Variants in SERPINB6 observed in about 807,000 individuals in gnomAD.
SERPINB6 encodes the protein serpin family B member 6, also known as serpin B6.
In SERPINB6, 16 loss-of-function variants were observed where a neutral mutation model predicts 26.1. The ratio of observed to expected loss-of-function variants is 0.61; its 90% CI spans 0.42 to 0.93. The LOEUF is 0.93. SERPINB6 is among the 40% of genes least tolerant of loss of function. SERPINB6 has a pLI of 0.00. For synonymous variants in SERPINB6, 174 were observed against 176.6 expected (o/e 0.99, Z 0.11); for missense variants, 420 against 478.0 (o/e 0.88, Z 1.13).
At chr6:2,970,695 C>A (rs889737901) in intron 1 of SERPINB6, 112 of 1,208,610 alleles carry the variant, frequency 9.3e-5, no homozygotes, top group Non-Finnish European at 1.1e-4. Flanking sequence ...ATTTTCTGTA[C>A]CTCAGTTTTC....
intron 1 of SERPINB6, chr6:2,968,389 A>G: frequency 1.5e-6 from 1 of 683,652 alleles, no homozygotes; most frequent in Non-Finnish European, 1.8e-6. Flanking sequence ...AACCTGCACA[A>G]CAACCTGCGA....
intron 2 of SERPINB6, among the ~76,000 whole-genome samples, chr6:2,958,564 A>G (rs1561681915): frequency 1.1e-5 from 1 of 87,434 alleles, no homozygotes; most frequent in Non-Finnish European, 3.0e-5. Context: ...AAGCATGTGG[A>G]AGGCCCCAGC....
intron 1 of SERPINB6, chr6:2,968,499 T>C: frequency 9.0e-7 from 1 of 1,113,646 alleles, no homozygotes; most frequent in Non-Finnish European, 1.1e-6. Context: ...AAATGAATGT[T>C]CTCTTCTGAC....
Position 2,948,890 on chromosome 6 carries a change from C to T in SERPINB6, c.729+24G>A. 1 of 1,614,122 alleles carries T rather than the reference C, an allele frequency of 6.2e-7. No individual in the cohort carries two copies. Among genetic ancestry groups the T allele is most frequent in the Non-Finnish European group, 8.5e-7 (1 of 1,180,036 alleles). On this transcript the variant is annotated intron_variant, in intron 6 of 6. Transcript: ENST00000380539. The surrounding 1 kb of genome is among the most constrained non-coding windows in gnomAD (Gnocchi z 5.0). ...CCCCGAGTGGCTCCTTGCTAGCACG[C>T]CTCGCTCACAGCTTAGCTGTTACCG...
rs1772182227 is a variant in SERPINB6, at chr6:2,971,561, G to C, written c.-39C>G. 1 of 152,266 alleles carries C rather than the reference G, an allele frequency of 6.6e-6. No homozygotes were observed. Among genetic ancestry groups the C allele is most frequent in the African/African-American group, 2.4e-5 (1 of 41,462 alleles). The allele number at this position is 152,266 out of a possible 1,614,324, so 9.4% of individuals were successfully genotyped here. A position where few individuals can be genotyped will look rare whatever the true frequency, so the allele number is the denominator to read the frequency against. ...AGAGCGGGGAGCGAGCGAGCAGAAC[G>C]GCGGGCAGAGGCGCCGGAGCCGCCC... is the stretch of plus-strand genomic sequence containing the variant. On this transcript the variant is annotated 5_prime_UTR_variant, in exon 1 of 7. Transcript: ENST00000380539.
intron 1 of SERPINB6, chr6:2,966,805 C>T (rs1044578760): frequency 3.5e-6 from 1 of 281,742 alleles, no homozygotes; most frequent in African/African-American, 2.3e-5. Flanking sequence ...GATAGGTGCA[C>T]ACCACCACGC....
At chr6:2,963,678 T>TC (rs1771354986) in intron 1 of SERPINB6, 1 of 151,832 alleles carries the variant, frequency 6.6e-6, no homozygotes, top group African/African-American at 2.4e-5. Context: ...TTTCCATACA[T>TC]CCCCCACGCC....
intron 1 of SERPINB6, chr6:2,969,676 C>G: frequency 4.1e-6 from 4 of 984,966 alleles, no homozygotes; most frequent in Non-Finnish European, 3.6e-6. Flanking sequence ...TTAAGGATGC[C>G]TTTATTTCCT....
Position 2,948,367 on chromosome 6 carries a change from G to A in SERPINB6, c.1062C>T (p.Pro354=). The change falls in exon 7 of 7, where the codon CCC becomes CCT. Residue 354 remains proline, a synonymous_variant. Transcript: ENST00000380539. The surrounding 1 kb of genome is among the most constrained non-coding windows in gnomAD (Gnocchi z 5.0). ...RFVPRFCADH[P]FLFFIQHSKT... is the part of the protein sequence containing the mutation. Reference sequence around the variant, plus strand: ...TGCTGTGCTGGATGAAGAAAAGGAAGGGGTGGTCGGCGCAGAAGCGGGGGA... The same window carrying A: ...TGCTGTGCTGGATGAAGAAAAGGAAAGGGTGGTCGGCGCAGAAGCGGGGGA... 1.2e-6 allele frequency: 2 copies of A among 1,614,180 alleles called. No individual in the cohort carries two copies. Among genetic ancestry groups the A allele is most frequent in the Middle Eastern group, 1.7e-4 (1 of 6,060 alleles).
chr6:2,948,999 A>G lies in SERPINB6; in HGVS notation c.644T>C (p.Phe215Ser). 1 of 1,614,234 alleles carries G rather than the reference A, an allele frequency of 6.2e-7. No homozygotes were observed. Among genetic ancestry groups the G allele is most frequent in the Non-Finnish European group, 8.5e-7 (1 of 1,180,030 alleles). Residue 215 changes from phenylalanine (F) to serine (S), a missense_variant, in exon 6 of 7, where the codon TTT becomes TCT. Coordinates refer to ENST00000380539, the MANE Select transcript of SERPINB6 (RefSeq NM_004568.6). This position sits in a 1 kb window ranked among gnomAD's most constrained non-coding sequence, Gnocchi z 5.0. ...TFKKTYIGEI[F>S]TQILVLPYVG... is the part of the protein sequence containing the mutation. ...ATATGGAAGCACCAAGATTTGGGTAAATATTTCTCCTATATAGGTCTTCTT... is the reference window on the plus strand; with the variant it reads ...ATATGGAAGCACCAAGATTTGGGTAGATATTTCTCCTATATAGGTCTTCTT...
Position 2,948,834 on chromosome 6 carries a change from G to T in SERPINB6, c.729+80C>A. 2 of 1,593,214 alleles carry T rather than the reference G, an allele frequency of 1.3e-6. No individual in the cohort carries two copies. The highest frequency in any genetic ancestry group is 1.7e-6 in the Non-Finnish European group (2 of 1,162,882). On this transcript the variant is annotated intron_variant, in intron 6 of 6. Coordinates refer to ENST00000380539, the MANE Select transcript of SERPINB6 (RefSeq NM_004568.6). The surrounding 1 kb of genome is among the most constrained non-coding windows in gnomAD (Gnocchi z 5.0). ...GCGCTCCAGTGTTAAACGGCTGACC[G>T]CAAAGTAGGGACAGCAGCCACAGCA...
chr6:2,968,923 G>A (rs1417971378), intron 1 of SERPINB6: 1 of 1,225,294 alleles, frequency 8.2e-7, no homozygotes, highest in Non-Finnish European at 1.0e-6. Flanking sequence ...TCTGGAAGGA[G>A]ATGGGGTGGA....
intron 5 of SERPINB6, among the ~76,000 whole-genome samples, chr6:2,950,651 A>G (rs1769683224): frequency 6.6e-6 from 1 of 152,206 alleles, no homozygotes; most frequent in African/African-American, 2.4e-5. Flanking sequence ...CTCACCAGAA[A>G]AAACTGCACT....
intron 1 of SERPINB6, chr6:2,968,925 T>C: frequency 1.6e-6 from 2 of 1,224,690 alleles, no homozygotes; most frequent in Non-Finnish European, 2.0e-6. Context: ...TGGAAGGAGA[T>C]GGGGTGGAAG....
At chr6:2,968,542 A>AC in intron 1 of SERPINB6, 1 of 1,174,324 alleles carries the variant, frequency 8.5e-7, no homozygotes, top group East Asian at 3.7e-5. Context: ...TCATCATGAT[A>AC]TTTGATTCCA....
Position 2,948,211 on chromosome 6 carries a change from A to C in SERPINB6, c.*87T>G, listed in dbSNP as rs1167133411. ...TTTATTTCTGAACTGCCACCACTGC[A>C]CGGATAAGGCCACTTGGGTTGCAGG... On this transcript the variant is annotated 3_prime_UTR_variant, in exon 7 of 7. Coordinates refer to ENST00000380539, the MANE Select transcript of SERPINB6 (RefSeq NM_004568.6). This position sits in a 1 kb window ranked among gnomAD's most constrained non-coding sequence, Gnocchi z 5.0. 4 of 1,505,176 alleles carry C rather than the reference A, an allele frequency of 2.7e-6. No individual in the cohort carries two copies. The highest frequency in any genetic ancestry group is 3.7e-6 in the Non-Finnish European group (4 of 1,083,472). 93.2% of individuals were successfully genotyped at this position (1,505,176 alleles called of 1,614,324 possible). A position where few individuals can be genotyped will look rare whatever the true frequency, so the allele number is the denominator to read the frequency against.
intron 1 of SERPINB6, among the ~76,000 whole-genome samples, chr6:2,965,640 A>G (rs1009391547): frequency 2.0e-5 from 3 of 152,238 alleles, no homozygotes; most frequent in African/African-American, 7.2e-5. Flanking sequence ...ACTTTCAAAC[A>G]GTACAATGAT....
chr6:2,971,725 C>T (rs565188872), upstream of SERPINB6: 230 of 152,322 alleles, frequency 1.5e-3, 2 homozygotes, highest in Middle Eastern at 6.8e-3. Context: ...GCGAGTCCTG[C>T]CCGGAGGCCT....
Position 2,969,744 on chromosome 6 carries a change from CCTCT to C in SERPINB6, c.-11+1785_-11+1788del, listed in dbSNP as rs981219965. ...GGAAACTTGGACTTCCTGCTTTGTC[CCTCT>C]GTTTCCTTGTGCAGTGTGTATGTGT... On this transcript the variant is annotated intron_variant, in intron 1 of 6. Transcript: ENST00000380539. 2.7e-3 allele frequency: 2,634 copies of C among 981,390 alleles called. 6 individuals are homozygous for C. Among genetic ancestry groups the C allele is most frequent in the Non-Finnish European group, 3.0e-3 (2,486 of 829,150 alleles). 60.8% of individuals were successfully genotyped at this position (981,390 alleles called of 1,614,324 possible).
Sources: gnomAD v4.1 joint callset for allele counts (sites outside exome capture counted in the v4.1 genomes callset) on GRCh38, gnomAD v4.1.1 for gene constraint, Gnocchi (gnomAD v3.1) non-coding constraint, MANE v1.5 for transcripts, NCBI Gene and HGNC (gene_info 2026-07-23, HGNC 2026-07-21) for gene names.